ADAMTS3: variants seen among roughly 807,000 people sequenced by gnomAD.
The protein encoded by ADAMTS3 is ADAM metallopeptidase with thrombospondin type 1 motif 3.
ADAMTS3 carries 73 observed loss-of-function variants against 129.0 expected under a neutral mutation model. The observed-to-expected ratio is 0.57, with a 90% confidence interval of 0.47 to 0.69. The LOEUF is 0.69. ADAMTS3 is among the 30% of genes least tolerant of loss of function. ADAMTS3 has a pLI of 0.00. For missense variants in ADAMTS3, 1,457 were observed against 1,514.5 expected (o/e 0.96, Z 0.63); for synonymous variants, 477 against 510.8 (o/e 0.93, Z 0.89).
At chr4:72,525,756 C>A (rs916173660) in intron 3 of ADAMTS3, among the ~76,000 whole-genome samples, 1 of 152,144 alleles carries the variant, frequency 6.6e-6, no homozygotes, top group Non-Finnish European at 1.5e-5. Context: ...CACTCAGTAG[C>A]CCTCAGAAGC....
intron 2 of ADAMTS3, among the ~76,000 whole-genome samples, chr4:72,561,420 G>C (rs927771051): frequency 6.6e-6 from 1 of 152,002 alleles, no homozygotes; most frequent in Admixed American, 6.6e-5. Flanking sequence ...CAGGAGGATC[G>C]CCTGAGCTGG....
intron 20 of ADAMTS3, 91 bp from the exon 21 acceptor site, chr4:72,288,959 CACACACACAA>C: frequency 1.3e-6 from 1 of 769,342 alleles, no homozygotes; most frequent in Non-Finnish European, 2.2e-6. Context: ...CACACACACA[CACACACACAA>C]AGACACAGAG....
At chr4:72,430,236 C>A (rs532068823) in intron 3 of ADAMTS3, among the ~76,000 whole-genome samples, 1 of 152,130 alleles carries the variant, frequency 6.6e-6, no homozygotes, top group South Asian at 2.1e-4. Flanking sequence ...TCATGACTCA[C>A]TTGCAACTGA....
At chr4:72,294,574 T>A (rs1718757193) in intron 19 of ADAMTS3, among the ~76,000 whole-genome samples, 1 of 151,982 alleles carries the variant, frequency 6.6e-6, no homozygotes, top group African/African-American at 2.4e-5. Flanking sequence ...AACATACAAT[T>A]TTTATTTTTC....
chr4:72,560,506 C>T (rs10938028), intron 2 of ADAMTS3, among the ~76,000 whole-genome samples: 146,865 of 152,278 alleles, frequency 0.96, 71,062 homozygotes, highest in East Asian at 1. Flanking sequence ...TATGCAGCCA[C>T]AAAAACGAAC....
intron 4 of ADAMTS3, among the ~76,000 whole-genome samples, chr4:72,411,879 A>T (rs1012055719): frequency 6.6e-6 from 1 of 151,612 alleles, no homozygotes; most frequent in African/African-American, 2.4e-5. Context: ...CCATCACAAA[A>T]CTCCATCAGT....
intron 3 of ADAMTS3, among the ~76,000 whole-genome samples, chr4:72,435,022 T>A (rs1722786714): frequency 6.6e-6 from 1 of 151,960 alleles, no homozygotes; most frequent in East Asian, 2.0e-4. Context: ...CTTCCCAAAT[T>A]AAGCCTCTAA....
intron 15 of ADAMTS3, among the ~76,000 whole-genome samples, chr4:72,308,805 C>T (rs2109793765): frequency 6.6e-6 from 1 of 152,004 alleles, no homozygotes; most frequent in East Asian, 1.9e-4. Context: ...AAGTTATTGA[C>T]TATGTAACAA....
At chr4:72,518,611 T>G (rs1216938484) in intron 3 of ADAMTS3, among the ~76,000 whole-genome samples, 1 of 152,182 alleles carries the variant, frequency 6.6e-6, no homozygotes, top group Non-Finnish European at 1.5e-5. Context: ...TTGTCTCTTT[T>G]GATCTTTGTT....
chr4:72,419,045 A>G (rs1407287644), intron 3 of ADAMTS3, among the ~76,000 whole-genome samples: 1 of 152,182 alleles, frequency 6.6e-6, no homozygotes, highest in Non-Finnish European at 1.5e-5. Flanking sequence ...TTTATTCTCC[A>G]GGCTTCAACT....
chr4:72,551,899 C>T (rs1017059736), intron 2 of ADAMTS3, among the ~76,000 whole-genome samples: 2 of 152,120 alleles, frequency 1.3e-5, no homozygotes, highest in Non-Finnish European at 2.9e-5. Flanking sequence ...AAGAGAACTA[C>T]CACAAGAATT....
At chr4:72,422,554 A>G (rs1722473230) in intron 3 of ADAMTS3, among the ~76,000 whole-genome samples, 1 of 152,122 alleles carries the variant, frequency 6.6e-6, no homozygotes, top group African/African-American at 2.4e-5. Flanking sequence ...TTATAAAACA[A>G]TGATGTATGC....
At chr4:72,501,384 A>C (rs1720017768) in intron 3 of ADAMTS3, among the ~76,000 whole-genome samples, 1 of 152,012 alleles carries the variant, frequency 6.6e-6, no homozygotes, top group African/African-American at 2.4e-5. Flanking sequence ...AAGCTATTTT[A>C]AATGGGATTG....
At chr4:72,391,371 G>A (rs1399977068) in intron 4 of ADAMTS3, among the ~76,000 whole-genome samples, 2 of 151,852 alleles carry the variant, frequency 1.3e-5, no homozygotes, top group Non-Finnish European at 2.9e-5. Context: ...GAAAAGGAGA[G>A]TGTTTTTGGC....
intron 3 of ADAMTS3, chr4:72,441,687 G>C (rs1718120299): frequency 6.6e-6 from 1 of 151,732 alleles, no homozygotes; most frequent in South Asian, 2.1e-4. Context: ...CTCTTCCAAG[G>C]CTGCACATTT....
At chr4:72,315,468 C>T (rs571453534) in intron 11 of ADAMTS3, among the ~76,000 whole-genome samples, 1 of 152,236 alleles carries the variant, frequency 6.6e-6, no homozygotes, top group East Asian at 1.9e-4. Flanking sequence ...GAAGCAGAAA[C>T]TGGAGTGGTG....
intron 3 of ADAMTS3, among the ~76,000 whole-genome samples, chr4:72,529,978 A>ATATATTATATATTATATTTATATATAAT (rs372655516): frequency 1.5e-4 from 1 of 6,724 alleles, no homozygotes; most frequent in Admixed American, 3.4e-3. Context: ...TTTATATATA[A>ATATATTATATATTATATTTATATATAAT]ATATAATATA....
chr4:72,455,914 A>G (rs1332161207), intron 3 of ADAMTS3, among the ~76,000 whole-genome samples: 1 of 118,524 alleles, frequency 8.4e-6, no homozygotes, highest in East Asian at 2.3e-4. Flanking sequence ...TACACTGTAT[A>G]TATACTATAT....
chr4:72,568,633 G>T, intron 1 of ADAMTS3, 61 bp downstream of exon 1: 1 of 1,325,592 alleles, frequency 7.5e-7, no homozygotes, highest in Non-Finnish European at 1.1e-6. Flanking sequence ...AGAGAGGGGA[G>T]GAACTTTTCG....
Sources: gnomAD v4.1 joint callset for allele counts (sites outside exome capture counted in the v4.1 genomes callset) on GRCh38, gnomAD v4.1.1 for gene constraint, MANE v1.5 for transcripts, NCBI Gene and HGNC (gene_info 2026-07-23, HGNC 2026-07-21) for gene names.